EHHADH: variants seen among roughly 807,000 people sequenced by gnomAD.
EHHADH encodes peroxisomal bifunctional enzyme.
Under a neutral mutation model 64.4 loss-of-function variants are expected in EHHADH, and 48 were observed. The observed-to-expected ratio is 0.75, with a 90% CI of 0.59 to 0.95. EHHADH has a LOEUF of 0.95. EHHADH is among the 40% of genes least tolerant of loss of function. The pLI is 0.00. For synonymous variants in EHHADH, 308 were observed against 326.7 expected, an observed-to-expected ratio of 0.94 and a Z score of 0.62; for missense variants, 854 against 876.6, an observed-to-expected ratio of 0.97 and a Z score of 0.33.
At chr3:185,201,689 T>C (rs1718231758) in intron 6 of EHHADH, among the ~76,000 whole-genome samples, 1 of 152,220 alleles carries the variant, frequency 6.6e-6, no homozygotes, top group South Asian at 2.1e-4. Flanking sequence ...TACGTGTCTT[T>C]TATATATTTA....
chr3:185,236,659 C>T (rs982511328), intron 2 of EHHADH, among the ~76,000 whole-genome samples: 2 of 152,012 alleles, frequency 1.3e-5, no homozygotes, highest in African/African-American at 4.8e-5. Flanking sequence ...CCTCATCTAG[C>T]ATCAATCCAG....
intron 3 of EHHADH, among the ~76,000 whole-genome samples, chr3:185,233,791 G>A (rs565168197): frequency 3.3e-5 from 5 of 152,114 alleles, no homozygotes; most frequent in East Asian, 3.9e-4. Context: ...GATTACAGGC[G>A]CCTGCCAGCA....
At chr3:185,232,627 T>C (rs761153921) in intron 3 of EHHADH, among the ~76,000 whole-genome samples, 64 of 152,286 alleles carry the variant, frequency 4.2e-4, no homozygotes, top group Non-Finnish European at 7.6e-4. Context: ...TTTGTATTTT[T>C]AGTAGAGGCG....
intron 4 of EHHADH, among the ~76,000 whole-genome samples, chr3:185,224,064 C>T (rs557179156): frequency 8.9e-4 from 135 of 152,266 alleles, no homozygotes; most frequent in Non-Finnish European, 1.3e-3. Flanking sequence ...AAAGGGTTAG[C>T]CACCTAAATC....
chr3:185,233,220 A>T (rs1719185367), intron 3 of EHHADH, among the ~76,000 whole-genome samples: 1 of 152,234 alleles, frequency 6.6e-6, no homozygotes, highest in African/African-American at 2.4e-5. Flanking sequence ...TAAAGGGGCA[A>T]GTAATGGAGG....
chr3:185,202,080 G>A (rs557071491), intron 6 of EHHADH, among the ~76,000 whole-genome samples: 2 of 152,346 alleles, frequency 1.3e-5, no homozygotes, highest in East Asian at 3.9e-4. Context: ...GCTCACGCCT[G>A]TAACTCCAGC....
intron 1 of EHHADH, among the ~76,000 whole-genome samples, chr3:185,253,465 T>C (rs913199744): frequency 1.3e-5 from 2 of 149,122 alleles, no homozygotes; most frequent in African/African-American, 4.9e-5. Flanking sequence ...ATATACCTAA[T>C]ATTAAATGAC....
intron 1 of EHHADH, 99 bp from the exon 2 acceptor site, chr3:185,248,616 A>C: frequency 1.3e-6 from 1 of 784,282 alleles, no homozygotes. Flanking sequence ...AAACACACAC[A>C]TAATGGATAA....
chr3:185,211,474 G>T (rs1718537401), intron 5 of EHHADH, among the ~76,000 whole-genome samples: 1 of 152,142 alleles, frequency 6.6e-6, no homozygotes, highest in African/African-American at 2.4e-5. Flanking sequence ...TGCTGTAATG[G>T]CAGGAAAAGA....
intron 6 of EHHADH, among the ~76,000 whole-genome samples, chr3:185,198,017 G>A (rs1233264221): frequency 6.6e-6 from 1 of 152,000 alleles, no homozygotes; most frequent in East Asian, 1.9e-4. Flanking sequence ...GGCTGGTCTC[G>A]AATTCCTGAC....
At chr3:185,232,491 C>T (rs1050334865) in intron 3 of EHHADH, among the ~76,000 whole-genome samples, 4 of 152,110 alleles carry the variant, frequency 2.6e-5, no homozygotes, top group African/African-American at 9.7e-5. Flanking sequence ...TCTTGTTGCC[C>T]AGGCTGGAGT....
chr3:185,252,141 C>A (rs1290399557), intron 1 of EHHADH, among the ~76,000 whole-genome samples: 1 of 152,152 alleles, frequency 6.6e-6, no homozygotes, highest in Non-Finnish European at 1.5e-5. Flanking sequence ...GTGGCTCATG[C>A]CTGTAATCCC....
intron 2 of EHHADH, among the ~76,000 whole-genome samples, chr3:185,239,445 T>C (rs1719389663): frequency 6.6e-6 from 1 of 152,220 alleles, no homozygotes; most frequent in African/African-American, 2.4e-5. Context: ...GTCTGTGTCA[T>C]CTATCATTTA....
chr3:185,207,812 A>G (rs1577358800), intron 5 of EHHADH, among the ~76,000 whole-genome samples: 1 of 152,250 alleles, frequency 6.6e-6, no homozygotes, highest in East Asian at 1.9e-4. Context: ...TAGAAAATAT[A>G]ATTGGCACAT....
At chr3:185,235,760 T>C (rs916276490) in intron 2 of EHHADH, among the ~76,000 whole-genome samples, 1 of 152,114 alleles carries the variant, frequency 6.6e-6, no homozygotes, top group African/African-American at 2.4e-5. Context: ...TAAGTCTATA[T>C]TTAAAAAAAT....
chr3:185,218,187 C>T lies in EHHADH; in HGVS notation c.517G>A (p.Val173Ile). Reference protein sequence around the residue: ...ALKLGILDKVVNSDPVEEAIR... With the variant: ...ALKLGILDKVINSDPVEEAIR... ...GCTTCTTCAACCGGGTCTGAGTTTA[C>T]AACTTTATCTAGAATGCCCAGCTTG... The change falls in exon 5 of 7, where the codon GTA (valine) becomes ATA (isoleucine). Residue 173 changes from valine (V) to isoleucine (I), a missense_variant. Val to Ile is a conservative substitution (Grantham distance 29). Transcript: ENST00000231887. 6.2e-7 allele frequency: 1 copy of T among 1,607,430 alleles called. No homozygotes were observed. Among genetic ancestry groups the T allele is most frequent in the South Asian group, 1.1e-5 (1 of 90,530 alleles).
At chr3:185,218,016 C>T (rs1349478784) in intron 5 of EHHADH, 120 bp downstream of exon 5, 7 of 541,328 alleles carry the variant, frequency 1.3e-5, no homozygotes, top group Non-Finnish European at 1.9e-5. Flanking sequence ...CCGCCCACCT[C>T]GGACTCCCAG....
chr3:185,208,280 G>A (rs755069380), intron 5 of EHHADH, among the ~76,000 whole-genome samples: 16 of 152,180 alleles, frequency 1.1e-4, no homozygotes, highest in Non-Finnish European at 2.2e-4. Context: ...ACCAACAACC[G>A]CTTGAGTGAG....
At chr3:185,200,905 C>T (rs1359516916) in intron 6 of EHHADH, among the ~76,000 whole-genome samples, 5 of 151,918 alleles carry the variant, frequency 3.3e-5, no homozygotes, top group Non-Finnish European at 7.4e-5. Context: ...TAGGATTTTG[C>T]GGGGAGCACA....
Sources: gnomAD v4.1 joint callset for allele counts (sites outside exome capture counted in the v4.1 genomes callset) on GRCh38, gnomAD v4.1.1 for gene constraint, MANE v1.5 for transcripts, NCBI Gene and HGNC (gene_info 2026-07-23, HGNC 2026-07-21) for gene names.